PDE8B: variants seen among roughly 807,000 people sequenced by gnomAD.
PDE8B encodes phosphodiesterase 8B.
PDE8B carries 26 observed loss-of-function variants against 101.3 expected under a neutral mutation model. The ratio of observed to expected loss-of-function variants is 0.26; its 90% CI spans 0.19 to 0.36. PDE8B has a LOEUF of 0.36. Ranked by LOEUF, PDE8B falls within the 10% of genes least tolerant of loss-of-function variation. The pLI, the probability that PDE8B is intolerant of heterozygous loss-of-function variation, is 1.00. For synonymous variants in PDE8B, 424 were observed against 429.3 expected (o/e 0.99, Z 0.15); for missense variants, 810 against 1,163.1 (o/e 0.70, Z 4.42).
chr5:77,203,449 C>T, the PDE8B span, among the ~76,000 whole-genome samples: 1 of 152,316 alleles, frequency 6.6e-6, no homozygotes, highest in South Asian at 2.1e-4. Flanking sequence ...TTCTTCGTAT[C>T]CCTCACAGCA....
intron 2 of PDE8B, among the ~76,000 whole-genome samples, chr5:77,313,667 T>A (rs1362774448): frequency 2.0e-5 from 3 of 152,210 alleles, no homozygotes; most frequent in African/African-American, 7.2e-5. Context: ...TTTCAAATAT[T>A]CATAAAGGTG....
At chr5:77,105,616 T>C in the PDE8B span, 10 of 152,248 alleles carry the variant, frequency 6.6e-5, no homozygotes, top group Non-Finnish European at 1.5e-4. Flanking sequence ...AACATCTGTA[T>C]ACAAGTCTTT....
intron 17 of PDE8B, 100 bp downstream of exon 17, chr5:77,413,409 G>A: frequency 3.8e-6 from 4 of 1,056,902 alleles, no homozygotes; most frequent in African/African-American, 1.6e-5. Context: ...TTGCAACCAA[G>A]TTGACAGCTT....
chr5:77,376,750 G>A (rs897522491), intron 10 of PDE8B, among the ~76,000 whole-genome samples: 3 of 152,080 alleles, frequency 2.0e-5, no homozygotes, highest in African/African-American at 7.2e-5. Context: ...CTGTCCCCTC[G>A]CCTCTGCACT....
chr5:77,262,362 G>A (rs1237724920), intron 1 of PDE8B, among the ~76,000 whole-genome samples: 1 of 152,158 alleles, frequency 6.6e-6, no homozygotes, highest in Non-Finnish European at 1.5e-5. Context: ...TCCCTGTGTG[G>A]CTATCAAGCA....
At chr5:77,346,269 G>C (rs765406544) in intron 7 of PDE8B, among the ~76,000 whole-genome samples, 2 of 152,118 alleles carry the variant, frequency 1.3e-5, no homozygotes, top group Non-Finnish European at 2.9e-5. Flanking sequence ...CTGCCTCTTG[G>C]ACCTCAGAGA....
rs9942368 is a variant in PDE8B, at chr5:77,403,330, T to G, written c.1211-1390T>G. ...GGTGAAGGTTTAGTTATTGAAATGT[T>G]GGGGGAATCTAAAACTGTTTTCTTC... On this transcript the variant is annotated intron_variant, in intron 11 of 21. Coordinates refer to ENST00000264917, the MANE Select transcript of PDE8B (RefSeq NM_003719.5). 8.2e-3 allele frequency among the ~76,000 whole-genome samples: 1,244 copies of G among 152,296 alleles called. 22 individuals carry two copies. Among genetic ancestry groups the G allele is most frequent in the African/African-American group, 0.028 (1,178 of 41,564 alleles).
chr5:77,403,267 G>A (rs1053802126), intron 11 of PDE8B, among the ~76,000 whole-genome samples: 4 of 152,266 alleles, frequency 2.6e-5, no homozygotes, highest in South Asian at 2.1e-4. Flanking sequence ...TTCTTTAAAT[G>A]TTTGCCTGCC....
chr5:77,159,226 A>G, the PDE8B span, among the ~76,000 whole-genome samples: 4 of 152,300 alleles, frequency 2.6e-5, no homozygotes, highest in East Asian at 3.9e-4. Context: ...CTGAGTGTCA[A>G]CTTAATTGGA....
chr5:77,347,391 T>C (rs1780331381), intron 7 of PDE8B, among the ~76,000 whole-genome samples: 4 of 152,208 alleles, frequency 2.6e-5, no homozygotes. Flanking sequence ...CCTGCTGCAT[T>C]CTGAGGTTTC....
intron 1 of PDE8B, among the ~76,000 whole-genome samples, chr5:77,227,991 A>T (rs1483809312): frequency 6.6e-6 from 1 of 152,210 alleles, no homozygotes; most frequent in Non-Finnish European, 1.5e-5. Context: ...GGTCAGGAGT[A>T]CAGGCACAGC....
chr5:77,111,029 T>C, the PDE8B span, among the ~76,000 whole-genome samples: 1 of 152,314 alleles, frequency 6.6e-6, no homozygotes, highest in East Asian at 1.9e-4. Flanking sequence ...CTACAAAATA[T>C]TTACAGGTAA....
At chr5:77,406,333 A>G (rs1793437977) in intron 12 of PDE8B, among the ~76,000 whole-genome samples, 1 of 152,214 alleles carries the variant, frequency 6.6e-6, no homozygotes, top group African/African-American at 2.4e-5. Flanking sequence ...GCAAGAACCA[A>G]AGATGCTAGA....
At position 77,401,497 on chromosome 5, in the gene PDE8B, T is replaced by C. The variant is rs563209620; in HGVS notation, c.1210+1207T>C. Among the ~76,000 whole-genome samples the C allele has an allele frequency of 2.1e-3, 320 of 152,332 alleles. 1 individual carries two copies. Among genetic ancestry groups the C allele is most frequent in the Non-Finnish European group, 3.2e-3 (221 of 68,034 alleles). On this transcript the variant is annotated intron_variant, in intron 11 of 21. Coordinates refer to ENST00000264917, the MANE Select transcript of PDE8B (RefSeq NM_003719.5). ...AGTACAGTTTCCACCATTTATTCTCTTTTTGATCTTGGGCTACCTACAAAA... is the reference window on the plus strand; with the variant it reads ...AGTACAGTTTCCACCATTTATTCTCCTTTTGATCTTGGGCTACCTACAAAA...
At chr5:77,121,652 C>T in the PDE8B span, among the ~76,000 whole-genome samples, 1,000 of 152,132 alleles carry the variant, frequency 6.6e-3, 8 homozygotes, top group African/African-American at 0.012. Flanking sequence ...GGACTACAGG[C>T]GTGCGCCACC....
the PDE8B span, chr5:77,106,044 A>G: frequency 6.6e-6 from 1 of 152,140 alleles, no homozygotes; most frequent in African/African-American, 2.4e-5. Context: ...GAGTTGTATT[A>G]GTTCTTTATA....
intron 1 of PDE8B, among the ~76,000 whole-genome samples, chr5:77,292,431 G>A (rs1431006214): frequency 6.6e-6 from 1 of 152,200 alleles, no homozygotes; most frequent in African/African-American, 2.4e-5. Flanking sequence ...CCAAGGCTCA[G>A]GAAGGCGTAT....
At chr5:77,348,558 A>G (rs946599871) in intron 7 of PDE8B, among the ~76,000 whole-genome samples, 2 of 152,214 alleles carry the variant, frequency 1.3e-5, no homozygotes, top group African/African-American at 2.4e-5. Context: ...TTCTACTGGT[A>G]GTGTCCCCAA....
chr5:77,250,048 A>G (rs1392883956), intron 1 of PDE8B, among the ~76,000 whole-genome samples: 3 of 152,232 alleles, frequency 2.0e-5, no homozygotes, highest in Non-Finnish European at 4.4e-5. Flanking sequence ...GAGAAAAACA[A>G]CGTAATAAGA....
Sources: allele counts gnomAD v4.1 joint callset (sites outside exome capture counted in the v4.1 genomes callset), GRCh38; gene constraint gnomAD v4.1.1; transcripts MANE v1.5; gene names NCBI Gene and HGNC (gene_info 2026-07-23, HGNC 2026-07-21).